The following CADPS variants were observed in gnomAD, a reference collection of about 807,000 sequenced individuals.
The protein encoded by CADPS is calcium-dependent secretion activator 1.
CADPS carries 57 observed loss-of-function variants against 167.3 expected under a neutral mutation model. The observed-to-expected ratio is 0.34, with a 90% CI of 0.28 to 0.42. The LOEUF (loss-of-function observed/expected upper bound fraction) is 0.42, where lower values mean the gene tolerates loss of function less well. CADPS is among the 20% of genes least tolerant of loss of function. The pLI, the probability that CADPS is intolerant of heterozygous loss-of-function variation, is 1.00. For missense variants in CADPS, 1,414 were observed against 1,738.1 expected, an observed-to-expected ratio of 0.81 and a Z score of 3.32; for synonymous variants, 676 against 635.3, an observed-to-expected ratio of 1.06 and a Z score of -0.96.
At chr3:62,794,763 A>G (rs73108330) in intron 1 of CADPS, among the ~76,000 whole-genome samples, 12,153 of 141,502 alleles carry the variant, frequency 0.086, 693 homozygotes, top group Admixed American at 0.13. Context: ...TGTTTACAAG[A>G]CAGACGCAAG....
chr3:62,512,177 A>G (rs2067990049), intron 17 of CADPS, among the ~76,000 whole-genome samples: 2 of 152,164 alleles, frequency 1.3e-5, no homozygotes. Context: ...TAAGATCAGA[A>G]GTTTTGGGAC....
At position 62,628,554 on chromosome 3, in the gene CADPS, G is replaced by A. The variant is rs111514302; in HGVS notation, c.1325+17168C>T. On this transcript the variant is annotated intron_variant, in intron 6 of 29. Transcript: ENST00000383710. ...AACCTAGATGCTATCCTTGATTCCTGTTTTGCCCCTACTGCTTCTACTCCT... is the reference window on the plus strand; with the variant it reads ...AACCTAGATGCTATCCTTGATTCCTATTTTGCCCCTACTGCTTCTACTCCT... Among the ~76,000 whole-genome samples the A allele has an allele frequency of 4.0e-5, 6 of 150,932 alleles. 1 individual carries two copies. The highest frequency in any genetic ancestry group is 1.5e-4 in the African/African-American group (6 of 41,122).
At chr3:62,410,966 A>G (rs1242266186) in intron 28 of CADPS, among the ~76,000 whole-genome samples, 1 of 152,088 alleles carries the variant, frequency 6.6e-6, no homozygotes, top group African/African-American at 2.4e-5. Flanking sequence ...TTAGCCAAGT[A>G]TGGTGGTGTG....
chr3:62,562,573 G>A (rs2079368848), intron 9 of CADPS, among the ~76,000 whole-genome samples: 1 of 152,178 alleles, frequency 6.6e-6, no homozygotes, highest in African/African-American at 2.4e-5. Flanking sequence ...AGCCTCAGGT[G>A]ATCGTCCCAG....
rs1356605448 is a variant in CADPS, at chr3:62,828,167, G to T, written c.441+46422C>A. Among the ~76,000 whole-genome samples the T allele has an allele frequency of 1.3e-5, 2 of 152,116 alleles. 1 individual carries two copies. ...AACATTTTTAATAATTGTGCCCTCT[G>T]GGAGTTAAACCCTCCATTCCCCATG... On this transcript the variant is annotated intron_variant, in intron 1 of 29. Coordinates refer to ENST00000383710, the MANE Select transcript of CADPS (RefSeq NM_003716.4).
chr3:62,867,942 C>G (rs1407588795), intron 1 of CADPS, among the ~76,000 whole-genome samples: 1 of 152,020 alleles, frequency 6.6e-6, no homozygotes, highest in African/African-American at 2.4e-5. Flanking sequence ...GATAAGGGTA[C>G]AGCAAGAAAG....
intron 9 of CADPS, among the ~76,000 whole-genome samples, chr3:62,570,530 T>A (rs553291334): frequency 6.6e-6 from 1 of 152,344 alleles, no homozygotes; most frequent in African/African-American, 2.4e-5. Flanking sequence ...CCTTCTGGAA[T>A]CCTCCATCCC....
intron 13 of CADPS, among the ~76,000 whole-genome samples, chr3:62,518,639 C>T (rs571414726): frequency 1.3e-5 from 2 of 152,260 alleles, no homozygotes; most frequent in South Asian, 2.1e-4. Flanking sequence ...AAATTTGGAA[C>T]AGTTAGCATT....
chr3:62,679,578 C>T (rs2076829635), intron 3 of CADPS, among the ~76,000 whole-genome samples: 2 of 151,948 alleles, frequency 1.3e-5, no homozygotes, highest in Admixed American at 6.6e-5. Context: ...CACTTAGCTG[C>T]CACCACACAG....
At chr3:62,675,951 T>C (rs776269984) in intron 3 of CADPS, among the ~76,000 whole-genome samples, 2 of 151,812 alleles carry the variant, frequency 1.3e-5, no homozygotes, top group Non-Finnish European at 2.9e-5. Context: ...CCAATTACTG[T>C]AAAATCCTCC....
intron 3 of CADPS, among the ~76,000 whole-genome samples, chr3:62,668,574 T>C (rs575616065): frequency 7.2e-5 from 11 of 152,324 alleles, no homozygotes; most frequent in African/African-American, 2.6e-4. Context: ...TCTCCAGATT[T>C]GTGAATTTCT....
chr3:62,712,097 TA>T (rs2083508233), intron 3 of CADPS, among the ~76,000 whole-genome samples: 1 of 152,236 alleles, frequency 6.6e-6, no homozygotes. Flanking sequence ...ATGAAAATTT[TA>T]AACAACTTAA....
intron 6 of CADPS, among the ~76,000 whole-genome samples, chr3:62,596,162 C>T (rs945994529): frequency 3.8e-4 from 55 of 143,802 alleles, no homozygotes; most frequent in African/African-American, 1.1e-3. Context: ...TAGTTTTGTC[C>T]CTCTGGAGAA....
At chr3:62,461,323 T>C (rs1436940805) in intron 26 of CADPS, among the ~76,000 whole-genome samples, 1 of 152,212 alleles carries the variant, frequency 6.6e-6, no homozygotes, top group East Asian at 1.9e-4. Context: ...CTGAAGGAGA[T>C]TAAAAGCCAA....
chr3:62,399,596 A>C lies in CADPS; in HGVS notation c.3883-11T>G. ...ATCTCTGTAGGTTTTCTAAGGAAGG[A>C]AAAGATACAGTGATAAGAGAGATCT... On this transcript the variant is annotated splice_polypyrimidine_tract_variant and intron_variant, in intron 29 of 29. Coordinates refer to ENST00000383710, the MANE Select transcript of CADPS (RefSeq NM_003716.4). The surrounding 1 kb of genome is among the most constrained non-coding windows in gnomAD (Gnocchi z 5.6). The C allele has an allele frequency of 6.2e-7, 1 of 1,611,350 alleles. No homozygotes were observed. The highest frequency in any genetic ancestry group is 8.5e-7 in the Non-Finnish European group (1 of 1,178,174).
chr3:62,562,469 C>A (rs1377582230), intron 9 of CADPS, among the ~76,000 whole-genome samples: 2 of 152,158 alleles, frequency 1.3e-5, no homozygotes, highest in Non-Finnish European at 2.9e-5. Flanking sequence ...ATGATAACAT[C>A]TGTGGGACAT....
chr3:62,780,285 G>A (rs1348973866), intron 1 of CADPS, among the ~76,000 whole-genome samples: 1 of 152,154 alleles, frequency 6.6e-6, no homozygotes, highest in East Asian at 1.9e-4. Flanking sequence ...AGGCATAGTG[G>A]TGCATGACTG....
At chr3:62,797,069 A>G (rs539108017) in intron 1 of CADPS, among the ~76,000 whole-genome samples, 34 of 152,288 alleles carry the variant, frequency 2.2e-4, no homozygotes, top group African/African-American at 7.7e-4. Context: ...ATGCATTGAG[A>G]CAGTCTGGAG....
intron 3 of CADPS, among the ~76,000 whole-genome samples, chr3:62,703,476 G>C (rs1430478253): frequency 6.6e-6 from 1 of 152,112 alleles, no homozygotes. Context: ...AATGCTTCTG[G>C]GAACGTCTGT....
Sources: gnomAD v4.1 joint callset for allele counts (sites outside exome capture counted in the v4.1 genomes callset) on GRCh38, gnomAD v4.1.1 for gene constraint, Gnocchi (gnomAD v3.1) non-coding constraint, MANE v1.5 for transcripts, NCBI Gene and HGNC (gene_info 2026-07-23, HGNC 2026-07-21) for gene names.